Variants in GSG1L observed in about 807,000 individuals in gnomAD.
GSG1L encodes germ cell-specific gene 1-like protein.
Under a neutral mutation model 42.1 loss-of-function variants are expected in GSG1L, and 24 were observed. The observed-to-expected ratio is 0.57, with a 90% CI of 0.41 to 0.80. The LOEUF is 0.80. Ranked by LOEUF, GSG1L falls within the 30% of genes least tolerant of loss-of-function variation. The pLI, the probability that GSG1L is intolerant of heterozygous loss-of-function variation, is 0.00. For missense variants in GSG1L, 445 were observed against 472.2 expected, an observed-to-expected ratio of 0.94 and a Z score of 0.53; for synonymous variants, 215 against 203.5, an observed-to-expected ratio of 1.06 and a Z score of -0.48.
At chr16:28,041,976 G>A (rs868782107) in intron 1 of GSG1L, among the ~76,000 whole-genome samples, 8 of 152,356 alleles carry the variant, frequency 5.3e-5, no homozygotes, top group Middle Eastern at 3.4e-3. Context: ...GGGCAAAGAC[G>A]TGGAGAAACG....
chr16:27,973,987 C>T (rs149331303), intron 1 of GSG1L, among the ~76,000 whole-genome samples: 2 of 152,198 alleles, frequency 1.3e-5, no homozygotes, highest in African/African-American at 2.4e-5. Context: ...CATTTTTGCC[C>T]CTTGAAGATG....
At chr16:27,934,393 G>C (rs1281390925) in intron 2 of GSG1L, among the ~76,000 whole-genome samples, 1 of 152,134 alleles carries the variant, frequency 6.6e-6, no homozygotes, top group African/African-American at 2.4e-5. Flanking sequence ...AAATTAGCCA[G>C]GCATGATGGC....
intron 1 of GSG1L, among the ~76,000 whole-genome samples, chr16:28,051,943 T>C (rs979121746): frequency 1.3e-5 from 2 of 152,098 alleles, no homozygotes; most frequent in African/African-American, 4.8e-5. Flanking sequence ...GTGAGTGGGA[T>C]GCTGGAGTCA....
intron 3 of GSG1L, among the ~76,000 whole-genome samples, chr16:27,874,470 T>TTTTTTTTTA (rs2083861753): frequency 7.4e-6 from 1 of 135,404 alleles, no homozygotes. Flanking sequence ...TTTTTTTTTT[T>TTTTTTTTTA]GGACAGGGAC....
At chr16:27,895,218 CCAGATTTCTGGA>C (rs1309700746) in intron 2 of GSG1L, among the ~76,000 whole-genome samples, 1 of 152,116 alleles carries the variant, frequency 6.6e-6, no homozygotes, top group East Asian at 1.9e-4. Flanking sequence ...TTAAAAAAAT[CCAGATTTCTGGA>C]TTCGTTTGCA....
chr16:27,935,097 G>A (rs555137043), intron 2 of GSG1L, among the ~76,000 whole-genome samples: 13 of 152,336 alleles, frequency 8.5e-5, no homozygotes, highest in African/African-American at 2.4e-4. Context: ...TAGACAGCAC[G>A]GTCCAGGGAG....
At chr16:27,934,107 A>C (rs2084687360) in intron 2 of GSG1L, among the ~76,000 whole-genome samples, 1 of 152,206 alleles carries the variant, frequency 6.6e-6, no homozygotes, top group South Asian at 2.1e-4. Context: ...GGGGCAGAAC[A>C]ACCTTCCCCA....
intron 2 of GSG1L, among the ~76,000 whole-genome samples, chr16:27,891,676 T>C (rs903049491): frequency 2.0e-5 from 3 of 151,950 alleles, no homozygotes; most frequent in African/African-American, 7.3e-5. Context: ...TCTCACTATG[T>C]TGCTCAGGCT....
chr16:27,803,297 C>A (rs1184815515), intron 6 of GSG1L, among the ~76,000 whole-genome samples: 5 of 152,098 alleles, frequency 3.3e-5, no homozygotes, highest in Non-Finnish European at 7.4e-5. Context: ...GAGCCATTAC[C>A]TCCAGAGAAC....
At chr16:28,002,181 T>C (rs1297954924) in intron 1 of GSG1L, among the ~76,000 whole-genome samples, 1 of 152,054 alleles carries the variant, frequency 6.6e-6, no homozygotes, top group African/African-American at 2.4e-5. Flanking sequence ...CAACAGATGG[T>C]GATATGTGCC....
chr16:27,939,095 C>T (rs2084755291), intron 2 of GSG1L, among the ~76,000 whole-genome samples: 2 of 152,186 alleles, frequency 1.3e-5, no homozygotes, highest in South Asian at 4.2e-4. Flanking sequence ...AGTTTGTGAG[C>T]TCAAGGGTAG....
intron 2 of GSG1L, among the ~76,000 whole-genome samples, chr16:27,902,152 G>A (rs1158222389): frequency 2.0e-5 from 3 of 152,164 alleles, no homozygotes; most frequent in African/African-American, 7.2e-5. Flanking sequence ...CACCCGCTCC[G>A]GGAACCACAT....
chr16:27,998,880 A>C (rs1047526316), intron 1 of GSG1L, among the ~76,000 whole-genome samples: 7 of 151,980 alleles, frequency 4.6e-5, no homozygotes, highest in Non-Finnish European at 1.0e-4. Flanking sequence ...TCATCTGCCC[A>C]AATGCTACTC....
intron 5 of GSG1L, among the ~76,000 whole-genome samples, chr16:27,815,704 A>G (rs746773147): frequency 5.9e-5 from 9 of 152,186 alleles, no homozygotes; most frequent in Non-Finnish European, 1.2e-4. Flanking sequence ...TTCTCATCTG[A>G]TGAATGGGCA....
chr16:28,004,496 C>T (rs1286859430), intron 1 of GSG1L, among the ~76,000 whole-genome samples: 1 of 150,108 alleles, frequency 6.7e-6, no homozygotes, highest in Non-Finnish European at 1.5e-5. Flanking sequence ...AAAAGGAGGC[C>T]GGGCAGGGTA....
chr16:27,853,736 T>C (rs548791717), intron 3 of GSG1L, among the ~76,000 whole-genome samples: 51 of 152,198 alleles, frequency 3.4e-4, no homozygotes, highest in Non-Finnish European at 6.9e-4. Context: ...ATGGGTTTAC[T>C]GAACTTCCAC....
intron 2 of GSG1L, among the ~76,000 whole-genome samples, chr16:27,952,438 G>A (rs893672231): frequency 6.6e-6 from 1 of 152,186 alleles, no homozygotes; most frequent in Non-Finnish European, 1.5e-5. Context: ...ATGAATATAA[G>A]TTTGCAAAGC....
chr16:28,023,225 TTCTA>T (rs1418422467), intron 1 of GSG1L, among the ~76,000 whole-genome samples: 2 of 152,240 alleles, frequency 1.3e-5, no homozygotes, highest in African/African-American at 2.4e-5. Context: ...TCTTTCTCTC[TTCTA>T]TCTTTCTAAG....
At chr16:28,035,426 G>A (rs2086022097) in intron 1 of GSG1L, among the ~76,000 whole-genome samples, 1 of 152,250 alleles carries the variant, frequency 6.6e-6, no homozygotes, top group Non-Finnish European at 1.5e-5. Context: ...TAGCTTTTCA[G>A]TAGCATGACT....
Sources: allele counts gnomAD v4.1 joint callset (sites outside exome capture counted in the v4.1 genomes callset), GRCh38; gene constraint gnomAD v4.1.1; transcripts MANE v1.5; gene names NCBI Gene and HGNC (gene_info 2026-07-23, HGNC 2026-07-21).